NPHP4: variants seen among roughly 807,000 people sequenced by gnomAD.
NPHP4 encodes nephrocystin 4.
NPHP4 carries 151 observed loss-of-function variants against 155.8 expected under a neutral mutation model. That is an observed-to-expected ratio of 0.97 (90% CI 0.85 to 1.11). The LOEUF is 1.11. Among genes scored for constraint, NPHP4 ranks in the 50% least tolerant of loss-of-function variants. The probability of loss-of-function intolerance (pLI) is 0.00; values close to 1 mark genes in which losing one functional copy is unlikely to be tolerated. For synonymous variants in NPHP4, 845 were observed against 816.8 expected, an observed-to-expected ratio of 1.03 and a Z score of -0.59; for missense variants, 1,956 against 1,925.7, an observed-to-expected ratio of 1.02 and a Z score of -0.29.
Position 5,905,840 on chromosome 1 carries a change from C to A in NPHP4, c.1612-57G>T. 2 of 1,517,164 alleles carry A rather than the reference C, an allele frequency of 1.3e-6. No individual in the cohort carries two copies. The highest frequency in any genetic ancestry group is 1.2e-5 in the South Asian group (1 of 81,442). 94.0% of individuals were successfully genotyped at this position (1,517,164 alleles called of 1,614,324 possible). ...ACCAAGGACCCCAACCCGTAACAACCAACGGTGCTCAGATCTAAGGGGATT... is the reference window on the plus strand; with the variant it reads ...ACCAAGGACCCCAACCCGTAACAACAAACGGTGCTCAGATCTAAGGGGATT... On this transcript the variant is annotated intron_variant, in intron 13 of 29. Coordinates refer to ENST00000378156, the MANE Select transcript of NPHP4 (RefSeq NM_015102.5). This position sits in a 1 kb window ranked among gnomAD's most constrained non-coding sequence, Gnocchi z 4.0.
intron 5 of NPHP4, 62 bp downstream of exon 5, chr1:5,967,237 G>T: frequency 8.0e-7 from 1 of 1,243,986 alleles, no homozygotes; most frequent in Non-Finnish European, 1.2e-6. Context: ...AGCTAAAGGT[G>T]GGGAACACTC....
intron 16 of NPHP4, among the ~76,000 whole-genome samples, chr1:5,903,509 C>A (rs2101101879): frequency 6.6e-6 from 1 of 152,150 alleles, no homozygotes; most frequent in South Asian, 2.1e-4. Context: ...AGTCACTGAC[C>A]AAGATGGGGA....
At chr1:5,945,903 T>C (rs963773705) in intron 9 of NPHP4, among the ~76,000 whole-genome samples, 1 of 151,162 alleles carries the variant, frequency 6.6e-6, no homozygotes, top group African/African-American at 2.4e-5. Context: ...TCTGGCATTG[T>C]CCCCCCCCAG....
intron 5 of NPHP4, among the ~76,000 whole-genome samples, chr1:5,966,307 G>A (rs1306199581): frequency 6.6e-6 from 1 of 152,136 alleles, no homozygotes; most frequent in Non-Finnish European, 1.5e-5. Flanking sequence ...GTGCAGTGGT[G>A]CAATCTCACC....
At chr1:5,926,455 G>A (rs1646009045) in intron 11 of NPHP4, among the ~76,000 whole-genome samples, 1 of 152,072 alleles carries the variant, frequency 6.6e-6, no homozygotes, top group Non-Finnish European at 1.5e-5. Flanking sequence ...ACCAGACTTG[G>A]GCTGAAAATA....
chr1:5,896,742 T>C (rs769633963), intron 16 of NPHP4, among the ~76,000 whole-genome samples: 2 of 152,124 alleles, frequency 1.3e-5, no homozygotes, highest in Non-Finnish European at 2.9e-5. Flanking sequence ...ATCTCTGAAA[T>C]GTCATCCCCA....
In NPHP4 at chr1:5,961,874, G is replaced by A. The variant is rs370410995; in HGVS notation, c.593C>T (p.Ala198Val). Reference protein sequence around the residue: ...TLKPHPALEPAFHLLPENLLV... With the variant: ...TLKPHPALEPVFHLLPENLLV... ...AAGGTTCTCAGGAAGAAGGTGGAACGCAGGCTCCAGGGCCGGGTGTGGCTT... is the reference window on the plus strand; with the variant it reads ...AAGGTTCTCAGGAAGAAGGTGGAACACAGGCTCCAGGGCCGGGTGTGGCTT... The change falls in exon 6 of 30, where the codon GCG becomes GTG. Residue 198 changes from alanine to valine, a missense_variant. Coordinates refer to ENST00000378156, the MANE Select transcript of NPHP4 (RefSeq NM_015102.5). 2.2e-5 allele frequency: 36 copies of A among 1,613,614 alleles called. No individual in the cohort carries two copies. The highest frequency in any genetic ancestry group is 3.3e-4 in the Middle Eastern group (2 of 6,084).
At chr1:5,888,362 A>G in intron 17 of NPHP4, 1 of 1,085,510 alleles carries the variant, frequency 9.2e-7, no homozygotes, top group Non-Finnish European at 1.1e-6. Flanking sequence ...TTCCTCTCAC[A>G]TAAGAAGCAG....
rs371644670 is a variant in NPHP4 at position 5,908,581 on chromosome 1, G to A, written c.1503+571C>T. Among the ~76,000 whole-genome samples, 6 of 152,226 alleles carry A rather than the reference G, an allele frequency of 3.9e-5. No homozygotes were observed. In the East Asian group the frequency reaches 9.7e-4, roughly 24 times the overall value. On this transcript the variant is annotated intron_variant, in intron 12 of 29. Coordinates refer to ENST00000378156, the MANE Select transcript of NPHP4 (RefSeq NM_015102.5). Reference sequence around the variant, plus strand: ...AGAACGGCAGCCAAGCAGGAGCTCAGCTCAGACCGCTGGCGGGCAACGGCC... The same window carrying A: ...AGAACGGCAGCCAAGCAGGAGCTCAACTCAGACCGCTGGCGGGCAACGGCC...
chr1:5,954,868 G>C (rs1404526132), intron 6 of NPHP4, among the ~76,000 whole-genome samples: 1 of 151,940 alleles, frequency 6.6e-6, no homozygotes, highest in Middle Eastern at 3.2e-3. Flanking sequence ...AAAGCAAAAA[G>C]AAACAAATGG....
In NPHP4 at chr1:5,960,332, A is replaced by AT; in HGVS notation, c.673+1461dup. ...GAAAAACAGTGACTTCACAATGATG[A>AT]TGTCCACCATAGACCTATCCAAGAA... On this transcript the variant is annotated intron_variant, in intron 6 of 29. Coordinates refer to ENST00000378156, the MANE Select transcript of NPHP4 (RefSeq NM_015102.5). 2.6e-5 allele frequency among the ~76,000 whole-genome samples: 4 copies of AT among 152,264 alleles called. 1 individual carries two copies. The highest frequency in any genetic ancestry group is 2.6e-4 in the Admixed American group (4 of 15,294).
rs1025365846 is a variant in NPHP4 at position 5,905,855 on chromosome 1, C to G, written c.1612-72G>C. ...CCGTAACAACCAACGGTGCTCAGATCTAAGGGGATTCATCGATTAATTGCC... is the reference window on the plus strand; with the variant it reads ...CCGTAACAACCAACGGTGCTCAGATGTAAGGGGATTCATCGATTAATTGCC... On this transcript the variant is annotated intron_variant, in intron 13 of 29. Transcript: ENST00000378156. This position sits in a 1 kb window ranked among gnomAD's most constrained non-coding sequence, Gnocchi z 4.0. The G allele has an allele frequency of 7.0e-7, 1 of 1,425,780 alleles. No individual in the cohort carries two copies. 88.3% of individuals were successfully genotyped at this position (1,425,780 alleles called of 1,614,324 possible).
intron 10 of NPHP4, among the ~76,000 whole-genome samples, chr1:5,931,229 T>C (rs1236355043): frequency 1.3e-5 from 2 of 152,136 alleles, no homozygotes; most frequent in African/African-American, 2.4e-5. Flanking sequence ...TTTAAACTGG[T>C]GTGTTTACAC....
chr1:5,977,405 G>A (rs1396105791), intron 3 of NPHP4, among the ~76,000 whole-genome samples: 1 of 152,026 alleles, frequency 6.6e-6, no homozygotes, highest in Non-Finnish European at 1.5e-5. Context: ...AGCTTAATCA[G>A]CAGCTTCGCA....
chr1:5,916,709 A>T (rs528969046), intron 11 of NPHP4, among the ~76,000 whole-genome samples: 1 of 152,340 alleles, frequency 6.6e-6, no homozygotes, highest in Admixed American at 6.5e-5. Context: ...ACAGCTCTGC[A>T]TCTTAAGAAG....
rs372688518 is a variant in NPHP4, at chr1:5,880,156, G to A, written c.2569C>T (p.Arg857Cys). The A allele has an allele frequency of 6.3e-5, 102 of 1,613,550 alleles. 1 individual carries two copies. The highest frequency in any genetic ancestry group is 3.2e-4 in the Admixed American group (19 of 59,970). ...SRVISNDGAS[R>C]FSGGSLLTTG... ...GTGAGGAGGCTGCCTCCAGAGAAGC[G>A]GCTGGCTCCATCGTTTGAGATGACC... Residue 857 changes from arginine to cysteine, a missense_variant, in exon 19 of 30, where the codon CGC becomes TGC. By Grantham distance (180) the Arg-to-Cys change is radical. Coordinates refer to ENST00000378156, the MANE Select transcript of NPHP4 (RefSeq NM_015102.5).
At chr1:5,943,640 C>A (rs1646938433) in intron 9 of NPHP4, among the ~76,000 whole-genome samples, 1 of 152,232 alleles carries the variant, frequency 6.6e-6, no homozygotes, top group East Asian at 1.9e-4. Flanking sequence ...AACAGACAGG[C>A]CGCCCAGCTC....
chr1:5,874,193 C>A (rs1289787528), intron 22 of NPHP4, among the ~76,000 whole-genome samples: 6 of 139,736 alleles, frequency 4.3e-5, no homozygotes, highest in Non-Finnish European at 8.0e-5. Flanking sequence ...CCATTAGATT[C>A]ACTGGGCTTT....
chr1:5,893,790 G>A lies in NPHP4; in HGVS notation c.2144-2762C>T, dbSNP rs180703042. Among the ~76,000 whole-genome samples the A allele has an allele frequency of 7.6e-3, 1,152 of 152,242 alleles. 15 individuals carry two copies. The highest frequency in any genetic ancestry group is 0.026 in the African/African-American group (1,060 of 41,524). On this transcript the variant is annotated intron_variant, in intron 16 of 29. Transcript: ENST00000378156. ...CGGGTGTTGTTCCTTGACACTTTTC[G>A]CTACCGCTAGACCATGGTCCGCCTG... is the stretch of plus-strand genomic sequence containing the variant.
Sources: allele counts gnomAD v4.1 joint callset (sites outside exome capture counted in the v4.1 genomes callset), GRCh38; gene constraint gnomAD v4.1.1; non-coding constraint Gnocchi (gnomAD v3.1); transcripts MANE v1.5; gene names NCBI Gene and HGNC (gene_info 2026-07-23, HGNC 2026-07-21).